DMD: variants seen among roughly 807,000 people sequenced by gnomAD.
DMD encodes dystrophin, also known as mutant dystrophin.
A neutral mutation model predicts 330.1 loss-of-function variants in DMD; 63 were observed. The ratio of observed to expected loss-of-function variants is 0.19; its 90% CI spans 0.16 to 0.24. The LOEUF (loss-of-function observed/expected upper bound fraction) is 0.24. Ranked by LOEUF, DMD falls within the 10% of genes least tolerant of loss-of-function variation. The pLI is 1.00. For synonymous variants in DMD, 1,223 were observed against 959.8 expected (o/e 1.27, Z -5.07); for missense variants, 3,344 against 2,684.1 (o/e 1.25, Z -5.43).
intron 42 of DMD, among the ~76,000 whole-genome samples, chrX:32,299,485 G>A (rs2097512556): frequency 9.5e-6 from 1 of 105,159 alleles, no homozygotes; most frequent in Non-Finnish European, 1.9e-5. Flanking sequence ...TAATCTCTTT[G>A]TTATTCTTCA....
chrX:31,159,718 T>C (rs761911277), intron 74 of DMD, among the ~76,000 whole-genome samples: 33 of 111,476 alleles, frequency 3.0e-4, no homozygotes, highest in African/African-American at 1.0e-3. Context: ...CAGACCTATC[T>C]CTCCAACATT....
intron 49 of DMD, among the ~76,000 whole-genome samples, chrX:31,821,178 G>A (rs1443892104): frequency 8.9e-6 from 1 of 112,867 alleles, no homozygotes; most frequent in Non-Finnish European, 1.9e-5. Flanking sequence ...ACTGAGGAGA[G>A]AATTAAGTCC....
intron 51 of DMD, among the ~76,000 whole-genome samples, chrX:31,737,552 C>T (rs764888866): frequency 8.1e-5 from 9 of 111,622 alleles, no homozygotes; most frequent in Non-Finnish European, 1.3e-4. Context: ...AGCCATCCCT[C>T]GACTCACTCT....
chrX:32,044,945 G>A (rs773907934), intron 44 of DMD, among the ~76,000 whole-genome samples: 64 of 111,725 alleles, frequency 5.7e-4, no homozygotes, highest in African/African-American at 1.9e-3. Context: ...GATATTTGCC[G>A]CCACTCAAAT....
chrX:31,886,216 C>T (rs1320330208), intron 47 of DMD, among the ~76,000 whole-genome samples: 1 of 111,205 alleles, frequency 9.0e-6, no homozygotes, highest in Non-Finnish European at 1.9e-5. Context: ...TCCTATCTCA[C>T]ACAATTCCTA....
intron 25 of DMD, among the ~76,000 whole-genome samples, chrX:32,456,714 G>T (rs913960555): frequency 5.6e-5 from 6 of 107,612 alleles, no homozygotes; most frequent in African/African-American, 1.0e-4. Flanking sequence ...TGATAGATTT[G>T]ATGTTCGGCT....
intron 26 of DMD, 94 bp from the exon 27 acceptor site, chrX:32,448,732 C>A: frequency 1.3e-6 from 1 of 794,357 alleles, no homozygotes; most frequent in Non-Finnish European, 1.8e-6. Context: ...CTCACAACAT[C>A]CCAGTTAGAA....
chrX:32,644,705 G>A (rs916773276), intron 10 of DMD, among the ~76,000 whole-genome samples: 5 of 110,607 alleles, frequency 4.5e-5, no homozygotes, highest in African/African-American at 1.3e-4. Flanking sequence ...ACTCAGGAAT[G>A]TAAGTAATGC....
intron 64 of DMD, among the ~76,000 whole-genome samples, 154 bp from the exon 65 acceptor site, chrX:31,209,853 A>G (rs1248703509): frequency 8.9e-6 from 1 of 111,852 alleles, no homozygotes; most frequent in Non-Finnish European, 1.9e-5. Flanking sequence ...TTTTATTTTT[A>G]TGCCTCGACT....
At chrX:31,973,836 C>T (rs761246634) in intron 44 of DMD, among the ~76,000 whole-genome samples, 9 of 111,472 alleles carry the variant, frequency 8.1e-5, no homozygotes, top group Non-Finnish European at 1.3e-4. Context: ...TAAGCATGAC[C>T]GAATGAGGGC....
chrX:31,213,794 A>G, intron 64 of DMD, among the ~76,000 whole-genome samples: 1 of 112,128 alleles, frequency 8.9e-6, no homozygotes. Context: ...TGTTTAGAAC[A>G]CCTCCAACTC....
chrX:31,296,297 A>G (rs1012342031), intron 62 of DMD, among the ~76,000 whole-genome samples: 3 of 112,057 alleles, frequency 2.7e-5, no homozygotes, highest in Non-Finnish European at 5.6e-5. Context: ...CTATCTTATA[A>G]GTATGGTATC....
intron 55 of DMD, among the ~76,000 whole-genome samples, chrX:31,617,424 C>T (rs2078261431): frequency 9.5e-6 from 1 of 105,669 alleles, no homozygotes. Context: ...ATCCCAGCTA[C>T]TTGGGAGGCT....
chrX:31,197,826 T>G (rs991639962), intron 67 of DMD, among the ~76,000 whole-genome samples: 14 of 111,249 alleles, frequency 1.3e-4, no homozygotes, highest in African/African-American at 4.6e-4. Context: ...AGCCAAGATA[T>G]AGAATCAACC....
At chrX:32,672,578 C>T (rs2061698224) in intron 9 of DMD, among the ~76,000 whole-genome samples, 1 of 110,481 alleles carries the variant, frequency 9.1e-6, no homozygotes, top group South Asian at 3.8e-4. Flanking sequence ...TAAATAAATC[C>T]TTTTTGCCAG....
At chrX:32,964,149 G>A (rs1306877164) in intron 2 of DMD, among the ~76,000 whole-genome samples, 3 of 105,437 alleles carry the variant, frequency 2.8e-5, no homozygotes, top group African/African-American at 1.1e-4. Flanking sequence ...CCAGCTATTC[G>A]GGAGGATGAG....
chrX:31,984,122 G>C (rs1388945530), intron 44 of DMD, among the ~76,000 whole-genome samples: 2 of 111,847 alleles, frequency 1.8e-5, no homozygotes, highest in African/African-American at 6.5e-5. Flanking sequence ...AGATGTTTTT[G>C]GTAGAAAAAA....
At chrX:32,681,850 ATCAAATAGGGTAG>A (rs1338752993) in intron 9 of DMD, among the ~76,000 whole-genome samples, 5 of 111,269 alleles carry the variant, frequency 4.5e-5, no homozygotes, top group African/African-American at 1.7e-4. Flanking sequence ...GTAGTGGCAT[ATCAAATAGGGTAG>A]TCAGAAAAGA....
chrX:31,705,105 C>T (rs2084083988), intron 52 of DMD, among the ~76,000 whole-genome samples: 1 of 112,101 alleles, frequency 8.9e-6, no homozygotes. Context: ...AGGTTTAAAG[C>T]AGGGAAGTGA....
Sources: allele counts gnomAD v4.1 joint callset (sites outside exome capture counted in the v4.1 genomes callset), GRCh38; gene constraint gnomAD v4.1.1; transcripts MANE v1.5; gene names NCBI Gene and HGNC (gene_info 2026-07-23, HGNC 2026-07-21).